PLAA: variants seen among roughly 807,000 people sequenced by gnomAD.
PLAA encodes phospholipase A-2-activating protein.
A neutral mutation model predicts 84.1 loss-of-function variants in PLAA; 48 were observed. The ratio of observed to expected loss-of-function variants is 0.57; its 90% CI spans 0.45 to 0.73. The LOEUF (loss-of-function observed/expected upper bound fraction) is 0.73. PLAA is among the 30% of genes least tolerant of loss of function. The pLI, the probability that PLAA is intolerant of heterozygous loss-of-function variation, is 0.00. For synonymous variants in PLAA, 392 were observed against 336.6 expected, an observed-to-expected ratio of 1.16 and a Z score of -1.80; for missense variants, 903 against 954.7, an observed-to-expected ratio of 0.95 and a Z score of 0.71.
At chr9:26,909,699 G>GC (rs1244102834) in intron 12 of PLAA, among the ~76,000 whole-genome samples, 1 of 150,768 alleles carries the variant, frequency 6.6e-6, no homozygotes, top group Non-Finnish European at 1.5e-5. Flanking sequence ...CGGGCTCACT[G>GC]CAACTCCTCC....
intron 11 of PLAA, among the ~76,000 whole-genome samples, chr9:26,910,691 TTTTC>T (rs1395541680): frequency 2.0e-5 from 3 of 152,164 alleles, no homozygotes; most frequent in Non-Finnish European, 4.4e-5. Context: ...TACTTCTTTT[TTTTC>T]TTTCTGAGAC....
intron 7 of PLAA, 45 bp downstream of exon 7, chr9:26,923,133 C>G (rs755518458): frequency 2.2e-6 from 3 of 1,380,670 alleles, no homozygotes; most frequent in Non-Finnish European, 3.0e-6. Context: ...GTTCCAAAAG[C>G]CAAATATGGT....
At chr9:26,938,278 T>C (rs1482997666) in intron 1 of PLAA, among the ~76,000 whole-genome samples, 2 of 152,062 alleles carry the variant, frequency 1.3e-5, no homozygotes, top group African/African-American at 2.4e-5. Flanking sequence ...GAGACTGAGA[T>C]AGGAGAACCG....
chr9:26,938,450 G>A (rs1294352648), intron 1 of PLAA, among the ~76,000 whole-genome samples: 1 of 151,942 alleles, frequency 6.6e-6, no homozygotes, highest in Non-Finnish European at 1.5e-5. Context: ...TACTTGGGAG[G>A]CTAAGGCGAG....
chr9:26,911,115 T>C (rs1824386208), intron 11 of PLAA, among the ~76,000 whole-genome samples: 1 of 152,060 alleles, frequency 6.6e-6, no homozygotes, highest in Non-Finnish European at 1.5e-5. Flanking sequence ...GTTTGTTACA[T>C]AGGTAAATGG....
chr9:26,927,559 A>C (rs536017977), intron 4 of PLAA, among the ~76,000 whole-genome samples: 1 of 152,328 alleles, frequency 6.6e-6, no homozygotes, highest in Admixed American at 6.5e-5. Context: ...CCTACAAATA[A>C]ATCAATGATA....
At chr9:26,929,529 C>T (rs868840926) in intron 2 of PLAA, among the ~76,000 whole-genome samples, 4 of 152,062 alleles carry the variant, frequency 2.6e-5, no homozygotes, top group South Asian at 2.1e-4. Flanking sequence ...GTATCATTGG[C>T]GGTCGAAGCA....
In PLAA at chr9:26,907,893, G is replaced by A. The variant is rs751787162; in HGVS notation, c.1763C>T (p.Ser588Leu). 6 of 1,611,550 alleles carry A rather than the reference G, an allele frequency of 3.7e-6. No homozygotes were observed. In the African/African-American group the frequency reaches 8.0e-5, roughly 22 times the overall value. ...AAGTTGCTGGACTGTGGGTTTTTCT[G>A]AAGAACTATTACATATTAGAGACAG... ...KILSLICNSS[S>L]EKPTVQQLQI... The change falls in exon 13 of 14, where the codon TCA (serine) becomes TTA (leucine). Residue 588 changes from serine to leucine, a missense_variant. Transcript: ENST00000397292.
chr9:26,921,880 C>G (rs1327902202), intron 7 of PLAA, among the ~76,000 whole-genome samples: 1 of 152,156 alleles, frequency 6.6e-6, no homozygotes, highest in Admixed American at 6.5e-5. Context: ...CTACTAAGTT[C>G]CTGGTGGAGA....
At chr9:26,916,950 G>A (rs1824582195) in intron 10 of PLAA, 147 bp downstream of exon 10, 3 of 709,122 alleles carry the variant, frequency 4.2e-6, no homozygotes, top group Middle Eastern at 3.6e-4. Context: ...AAAATCAGAA[G>A]TTAAAGAAAA....
chr9:26,920,398 T>A lies in PLAA; in HGVS notation c.1040-14A>T. 1 of 1,558,106 alleles carries A rather than the reference T, an allele frequency of 6.4e-7. No homozygotes were observed. Among genetic ancestry groups the A allele is most frequent in the Non-Finnish European group, 8.7e-7 (1 of 1,147,996 alleles). ...CTTCTCTAGTACCTTAAAATAAAAA[T>A]TTTAAGAATCAAAGGTAGAATGGCA... On this transcript the variant is annotated splice_polypyrimidine_tract_variant and intron_variant, in intron 7 of 13. Coordinates refer to ENST00000397292, the MANE Select transcript of PLAA (RefSeq NM_001031689.3).
At chr9:26,937,779 T>C (rs965244559) in intron 1 of PLAA, among the ~76,000 whole-genome samples, 4 of 151,782 alleles carry the variant, frequency 2.6e-5, no homozygotes, top group South Asian at 2.1e-4. Context: ...ACTAGACAAC[T>C]TGAAGACAGA....
chr9:26,920,306 C>G lies in PLAA; in HGVS notation c.1118G>C (p.Arg373Thr), dbSNP rs200045872. Residue 373 changes from arginine (R) to threonine (T), a missense_variant, in exon 8 of 14, where the codon AGG becomes ACG. Physicochemically the swap from Arg to Thr is moderately conservative, Grantham distance 71. Coordinates refer to ENST00000397292, the MANE Select transcript of PLAA (RefSeq NM_001031689.3). The stretch of plus-strand genomic sequence containing the variant: ...AACAACATCACCAATTTTTATCCAC[C>G]TCCCTTCACTAACACTCCACTGATA... Reference protein sequence around the residue: ...EAYQWSVSEGRWIKIGDVVGS... With the variant: ...EAYQWSVSEGTWIKIGDVVGS... 1.8e-5 allele frequency: 29 copies of G among 1,613,634 alleles called. No homozygotes were observed. The Admixed American group carries it at 4.7e-4, about 26-fold the overall frequency.
chr9:26,928,142 C>G lies in PLAA; in HGVS notation c.523G>C (p.Val175Leu), dbSNP rs1263525837. The change falls in exon 4 of 14, where the codon GTT (valine) becomes CTT (leucine). Residue 175 changes from valine (V) to leucine (L), a missense_variant. Coordinates refer to ENST00000397292, the MANE Select transcript of PLAA (RefSeq NM_001031689.3). ...LMLTGSADKT[V>L]KLWKAGRCER... is the part of the protein sequence containing the mutation. The stretch of plus-strand genomic sequence containing the variant: ...CATCTTCCAGCCTTCCACAGTTTAA[C>G]AGTCTTGTCTGCTGATCCAGTCAAC... The G allele has an allele frequency of 6.2e-7, 1 of 1,614,196 alleles. No homozygotes were observed. Among genetic ancestry groups the G allele is most frequent in the Non-Finnish European group, 8.5e-7 (1 of 1,180,024 alleles).
At chr9:26,915,640 T>A in intron 10 of PLAA, 1 of 923,062 alleles carries the variant, frequency 1.1e-6, no homozygotes, top group Non-Finnish European at 1.3e-6. Context: ...TAGATGCTGT[T>A]ATATATTTAT....
intron 2 of PLAA, among the ~76,000 whole-genome samples, chr9:26,932,234 T>A (rs1289448586): frequency 9.2e-6 from 1 of 108,602 alleles, no homozygotes; most frequent in African/African-American, 4.2e-5. Context: ...TTTTGTTTTG[T>A]TTTAGGTGTG....
chr9:26,921,902 T>C (rs1183873584), intron 7 of PLAA, among the ~76,000 whole-genome samples: 2 of 152,250 alleles, frequency 1.3e-5, no homozygotes. Flanking sequence ...ACATTTTTCC[T>C]ACATTTCAAT....
At chr9:26,922,603 C>T (rs534984914) in intron 7 of PLAA, among the ~76,000 whole-genome samples, 33 of 152,050 alleles carry the variant, frequency 2.2e-4, no homozygotes, top group African/African-American at 7.5e-4. Flanking sequence ...GAGATGACTA[C>T]GGTCTTCTGA....
chr9:26,907,050 AAAG>A (rs1563903821), intron 13 of PLAA, among the ~76,000 whole-genome samples: 1 of 151,986 alleles, frequency 6.6e-6, no homozygotes, highest in African/African-American at 2.4e-5. Flanking sequence ...AAAAAAAAAA[AAAG>A]ACTTTTTCTC....
Sources: allele counts gnomAD v4.1 joint callset (sites outside exome capture counted in the v4.1 genomes callset), GRCh38; gene constraint gnomAD v4.1.1; transcripts MANE v1.5; gene names NCBI Gene and HGNC (gene_info 2026-07-23, HGNC 2026-07-21).